NTM: variants seen among roughly 807,000 people sequenced by gnomAD.
NTM encodes the protein neurotrimin.
NTM carries 13 observed loss-of-function variants against 42.1 expected under a neutral mutation model. The ratio of observed to expected loss-of-function variants is 0.31; its 90% confidence interval spans 0.20 to 0.49. NTM has a LOEUF of 0.49. Among genes scored for constraint, NTM ranks in the 20% least tolerant of loss-of-function variants. NTM has a pLI of 0.99. For missense variants in NTM, 373 were observed against 452.8 expected (o/e 0.82, Z 1.60); for synonymous variants, 187 against 179.2 (o/e 1.04, Z -0.35).
intron 2 of NTM, among the ~76,000 whole-genome samples, chr11:132,040,550 A>G (rs1260283760): frequency 6.6e-6 from 1 of 152,216 alleles, no homozygotes; most frequent in African/African-American, 2.4e-5. Flanking sequence ...CAATATTGAT[A>G]TGAACAAATA....
At chr11:131,511,867 G>A (rs888700251) in intron 1 of NTM, among the ~76,000 whole-genome samples, 4 of 152,164 alleles carry the variant, frequency 2.6e-5, no homozygotes, top group African/African-American at 7.2e-5. Context: ...CAATCTCTGT[G>A]TCAGAGGGCG....
At chr11:132,179,230 T>G (rs74610222) in intron 3 of NTM, among the ~76,000 whole-genome samples, 3,575 of 152,274 alleles carry the variant, frequency 0.023, 86 homozygotes, top group Middle Eastern at 0.048. Context: ...GGAAGGCTCC[T>G]AGGAATGAGT....
intron 3 of NTM, among the ~76,000 whole-genome samples, chr11:132,205,235 C>G (rs1377886297): frequency 6.6e-6 from 1 of 152,144 alleles, no homozygotes; most frequent in African/African-American, 2.4e-5. Context: ...CGTGCAGTTA[C>G]CTGGTCCAAG....
chr11:131,653,140 C>T (rs554729921), intron 1 of NTM, among the ~76,000 whole-genome samples: 1 of 152,368 alleles, frequency 6.6e-6, no homozygotes, highest in South Asian at 2.1e-4. Context: ...ACAGAGCCAG[C>T]TCCAGAAAGG....
intron 1 of NTM, among the ~76,000 whole-genome samples, chr11:131,906,872 C>A (rs143985955): frequency 6.6e-6 from 1 of 152,122 alleles, no homozygotes; most frequent in South Asian, 2.1e-4. Context: ...CTGCTGAAAT[C>A]CTAACATGTT....
At chr11:131,380,930 T>C (rs1942595435) in intron 1 of NTM, among the ~76,000 whole-genome samples, 1 of 152,252 alleles carries the variant, frequency 6.6e-6, no homozygotes, top group Admixed American at 6.5e-5. Flanking sequence ...CTCTTCTTTC[T>C]GACAAATATT....
intron 1 of NTM, among the ~76,000 whole-genome samples, chr11:131,825,285 A>T (rs771537692): frequency 5.9e-5 from 9 of 152,120 alleles, no homozygotes; most frequent in Admixed American, 3.3e-4. Context: ...AACATGACCT[A>T]ATCTTAATTT....
At chr11:131,497,678 A>C (rs1955496659) in intron 1 of NTM, among the ~76,000 whole-genome samples, 1 of 152,174 alleles carries the variant, frequency 6.6e-6, no homozygotes, top group Non-Finnish European at 1.5e-5. Context: ...GAAAATTGTT[A>C]AGTACCATGA....
chr11:131,716,688 G>T (rs2077724341), intron 1 of NTM, among the ~76,000 whole-genome samples: 1 of 152,032 alleles, frequency 6.6e-6, no homozygotes, highest in South Asian at 2.1e-4. Flanking sequence ...TATTTTCATT[G>T]CTTTTCTTTT....
At chr11:132,221,202 A>C (rs1462807211) in intron 4 of NTM, among the ~76,000 whole-genome samples, 1 of 152,196 alleles carries the variant, frequency 6.6e-6, no homozygotes, top group African/African-American at 2.4e-5. Context: ...CCTGGAGTCT[A>C]AATAACACCA....
At chr11:132,203,772 G>T (rs993962349) in intron 3 of NTM, among the ~76,000 whole-genome samples, 1 of 152,086 alleles carries the variant, frequency 6.6e-6, no homozygotes, top group Non-Finnish European at 1.5e-5. Flanking sequence ...GGTTTCAGGT[G>T]CCTGTAGTCC....
chr11:131,705,574 G>T (rs2135232044), intron 1 of NTM, among the ~76,000 whole-genome samples: 1 of 152,132 alleles, frequency 6.6e-6, no homozygotes, highest in South Asian at 2.1e-4. Context: ...TGTAATGATG[G>T]TGTATAAATT....
intron 1 of NTM, among the ~76,000 whole-genome samples, chr11:131,865,728 T>C (rs890643548): frequency 1.2e-5 from 1 of 84,304 alleles, no homozygotes; most frequent in Non-Finnish European, 2.4e-5. Flanking sequence ...ACACCCCACC[T>C]GCTCTCACAC....
At chr11:131,638,563 CA>C (rs58374119) in intron 1 of NTM, among the ~76,000 whole-genome samples, 1,833 of 53,338 alleles carry the variant, frequency 0.034, 9 homozygotes, top group African/African-American at 0.068. Flanking sequence ...GAGACTCCTT[CA>C]AAAAAAAAAA....
chr11:131,728,324 C>T (rs181685222), intron 1 of NTM, among the ~76,000 whole-genome samples: 10 of 152,292 alleles, frequency 6.6e-5, no homozygotes, highest in African/African-American at 2.2e-4. Flanking sequence ...ATGACCTTGT[C>T]CTTGGGTTTG....
chr11:131,784,291 A>G (rs1023794219), intron 1 of NTM, among the ~76,000 whole-genome samples: 1 of 152,206 alleles, frequency 6.6e-6, no homozygotes, highest in African/African-American at 2.4e-5. Flanking sequence ...ATGTATTTAT[A>G]TAAGAAAACG....
chr11:131,578,641 T>C (rs1471458268), intron 1 of NTM, among the ~76,000 whole-genome samples: 1 of 152,168 alleles, frequency 6.6e-6, no homozygotes, highest in Admixed American at 6.5e-5. Flanking sequence ...AAATTCAAAA[T>C]TGGCTTTGTT....
intron 1 of NTM, among the ~76,000 whole-genome samples, chr11:131,834,249 C>G (rs2043188002): frequency 6.6e-6 from 1 of 152,160 alleles, no homozygotes; most frequent in Non-Finnish European, 1.5e-5. Context: ...CAGTAGTAAT[C>G]AGGCTTAGGG....
intron 1 of NTM, among the ~76,000 whole-genome samples, chr11:131,475,219 A>T (rs1257511245): frequency 6.6e-6 from 1 of 152,226 alleles, no homozygotes; most frequent in Non-Finnish European, 1.5e-5. Context: ...AAGCAGACAG[A>T]GTAGATATCT....
Sources: gnomAD v4.1 joint callset for allele counts (sites outside exome capture counted in the v4.1 genomes callset) on GRCh38, gnomAD v4.1.1 for gene constraint, MANE v1.5 for transcripts, NCBI Gene and HGNC (gene_info 2026-07-23, HGNC 2026-07-21) for gene names.